The following GBP4 variants were observed in gnomAD, a reference collection of about 807,000 sequenced individuals.
The protein encoded by GBP4 is guanylate-binding protein 4.
GBP4 carries 69 observed loss-of-function variants against 62.2 expected under a neutral mutation model. The observed-to-expected ratio is 1.11, with a 90% confidence interval of 0.91 to 1.36. The LOEUF (loss-of-function observed/expected upper bound fraction) is 1.36, where lower values mean the gene tolerates loss of function less well. Among genes scored for constraint, GBP4 ranks in the 40% most tolerant of loss-of-function variants. The pLI, the probability that GBP4 is intolerant of heterozygous loss-of-function variation, is 0.00. For missense variants in GBP4, 697 were observed against 759.3 expected, an observed-to-expected ratio of 0.92 and a Z score of 0.96; for synonymous variants, 278 against 274.6, an observed-to-expected ratio of 1.01 and a Z score of -0.12.
At position 89,183,207 on chromosome 1, in the gene GBP4, A is replaced by T. The variant is rs1457356444; in HGVS notation, c.*2047T>A. On this transcript the variant is annotated 3_prime_UTR_variant, in exon 11 of 11. Coordinates refer to ENST00000355754, the MANE Select transcript of GBP4 (RefSeq NM_052941.5). ...GGTATTAGTAGAAAAACAGACACAC[A>T]GATAAATGGAACATAACAGAGAGTC... The T allele has an allele frequency of 6.6e-6, 1 of 152,238 alleles. No homozygotes were observed. Among genetic ancestry groups the T allele is most frequent in the Non-Finnish European group, 1.5e-5 (1 of 68,048 alleles). 9.4% of individuals were successfully genotyped at this position (152,238 alleles called of 1,614,324 possible).
At chr1:89,193,976 C>T (rs1176791312) in intron 3 of GBP4, among the ~76,000 whole-genome samples, 4 of 152,190 alleles carry the variant, frequency 2.6e-5, no homozygotes, top group Middle Eastern at 3.4e-3. Flanking sequence ...GAGGGGGAGG[C>T]ACATAAATGT....
At chr1:89,191,530 C>A (rs749151690) in intron 5 of GBP4, 24 bp from the exon 6 acceptor site, 1 of 1,603,032 alleles carries the variant, frequency 6.2e-7, no homozygotes, top group Non-Finnish European at 8.5e-7. Context: ...AAAAAGAGGG[C>A]TCATTGAAGA....
Position 89,198,817 on chromosome 1 carries a change from A to C in GBP4, c.18T>G (p.Leu6=), listed in dbSNP as rs1456920450. 6.2e-7 allele frequency: 1 copy of C among 1,614,026 alleles called. No individual in the cohort carries two copies. The highest frequency in any genetic ancestry group is 1.1e-5 in the South Asian group (1 of 91,082). MGERT[L]HAAVPTPGYP... ...TACCTGGTGTGGGCACTGCAGCGTG[A>C]AGAGTTCTCTCACCCATTGCTCTGT... is the stretch of plus-strand genomic sequence containing the variant. Residue 6 remains leucine, a synonymous_variant, in exon 1 of 11, where the codon CTT becomes CTG. Transcript: ENST00000355754.
At chr1:89,189,405 G>A (rs548893345) in intron 7 of GBP4, among the ~76,000 whole-genome samples, 1 of 152,296 alleles carries the variant, frequency 6.6e-6, no homozygotes, top group Admixed American at 6.5e-5. Context: ...CATGCCTATG[G>A]TAAGTAGATT....
Position 89,185,022 on chromosome 1 carries a change from G to A in GBP4, c.*232C>T. ...TCCTTAAATCTTTTCTAGGAATAATGTCACTACTTCTGACTTGTTTCCCAT... is the reference window on the plus strand; with the variant it reads ...TCCTTAAATCTTTTCTAGGAATAATATCACTACTTCTGACTTGTTTCCCAT... On this transcript the variant is annotated 3_prime_UTR_variant, in exon 11 of 11. Coordinates refer to ENST00000355754, the MANE Select transcript of GBP4 (RefSeq NM_052941.5). 5.4e-6 allele frequency: 2 copies of A among 367,658 alleles called. No individual in the cohort carries two copies. The highest frequency in any genetic ancestry group is 9.7e-6 in the Non-Finnish European group (2 of 206,546). 22.8% of individuals were successfully genotyped at this position (367,658 alleles called of 1,614,324 possible).
chr1:89,195,165 G>A (rs1353768427), intron 3 of GBP4, 132 bp downstream of exon 3: 2 of 942,122 alleles, frequency 2.1e-6, no homozygotes, highest in South Asian at 1.7e-5. Context: ...AAGGAAGTCT[G>A]AGGAAACAGA....
chr1:89,191,468 C>T lies in GBP4; in HGVS notation c.709G>A (p.Glu237Lys), dbSNP rs759777047. ...TTTCGGAAGAAATGCCTGATACACT[C>T]TCTAGGCATGTTTGAATTTTGAATT... ...PKIQNSNMPRECIRHFFRKRK... is the reference protein window; with the variant it reads ...PKIQNSNMPRKCIRHFFRKRK... Residue 237 changes from glutamate (E) to lysine (K), a missense_variant, in exon 6 of 11, where the codon GAG (glutamate) becomes AAG (lysine). By Grantham distance (56) the Glu-to-Lys change is moderately conservative (BLOSUM62 1). Coordinates refer to ENST00000355754, the MANE Select transcript of GBP4 (RefSeq NM_052941.5). 1.9e-6 allele frequency: 3 copies of T among 1,613,622 alleles called. No homozygotes were observed. Among genetic ancestry groups the T allele is most frequent in the Non-Finnish European group, 2.5e-6 (3 of 1,179,542 alleles).
At chr1:89,197,388 T>C in intron 1 of GBP4, 84 bp from the exon 2 acceptor site, 1 of 1,078,820 alleles carries the variant, frequency 9.3e-7, no homozygotes, top group East Asian at 2.6e-5. Context: ...ACATATTAGC[T>C]TTTTGCTTGT....
Position 89,198,915 on chromosome 1 carries a change from C to T in GBP4, c.-81G>A. 1 of 1,312,468 alleles carries T rather than the reference C, an allele frequency of 7.6e-7. No individual in the cohort carries two copies. Among genetic ancestry groups the T allele is most frequent in the Non-Finnish European group, 1.1e-6 (1 of 904,834 alleles). 81.3% of individuals were successfully genotyped at this position (1,312,468 alleles called of 1,614,324 possible). On this transcript the variant is annotated 5_prime_UTR_variant, in exon 1 of 11. Coordinates refer to ENST00000355754, the MANE Select transcript of GBP4 (RefSeq NM_052941.5). ...AAGTCCAGCCGGATTTACAGACATC[C>T]AAGTAAGAGTCTGTGAGAACCGAAA...
chr1:89,185,478 G>GT lies in GBP4; in HGVS notation c.1708-10_1708-9insA. The stretch of plus-strand genomic sequence containing the variant: ...AGCATTTCTTCTTGTACCTATAAAA[G>GT]GGAAATAGTCCACTTTTGAAAATCT... On this transcript the variant is annotated splice_polypyrimidine_tract_variant and intron_variant, in intron 10 of 10. Transcript: ENST00000355754. 1 of 1,396,338 alleles carries GT rather than the reference G, an allele frequency of 7.2e-7. No individual in the cohort carries two copies. The highest frequency in any genetic ancestry group is 1.0e-6 in the Non-Finnish European group (1 of 992,284). The allele number at this position is 1,396,338 out of a possible 1,614,324, so 86.5% of individuals were successfully genotyped here. A position where few individuals can be genotyped will look rare whatever the true frequency, so the allele number is the denominator to read the frequency against.
Position 89,195,292 on chromosome 1 carries a change from C to G in GBP4, c.363+5G>C. ...ACCATGAGCGGTGAAGTTTCTCTGC[C>G]TTACCTTTTCTACATCGCCCAGGCC... On this transcript the variant is annotated splice_donor_5th_base_variant and intron_variant, in intron 3 of 10. Transcript: ENST00000355754. 6.2e-7 allele frequency: 1 copy of G among 1,613,528 alleles called. No homozygotes were observed. Among genetic ancestry groups the G allele is most frequent in the South Asian group, 1.1e-5 (1 of 91,072 alleles).
At position 89,185,410 on chromosome 1, in the gene GBP4, C is replaced by T. The variant is rs771688029; in HGVS notation, c.1767G>A (p.Glu589=). The T allele has an allele frequency of 8.2e-6, 13 of 1,583,014 alleles. No individual in the cohort carries two copies. The South Asian group carries it at 1.3e-4, about 16-fold the overall frequency. The change falls in exon 11 of 11, where the codon GAG becomes GAA. Residue 589 remains glutamate, a synonymous_variant. Coordinates refer to ENST00000355754, the MANE Select transcript of GBP4 (RefSeq NM_052941.5). ...CAATTTTTTCTTTCAGTTGATTAATCTCTTTATTTAACTGCTCAGATTTCT... is the reference window on the plus strand; with the variant it reads ...CAATTTTTTCTTTCAGTTGATTAATTTCTTTATTTAACTGCTCAGATTTCT... The part of the protein sequence containing the change: ...FQKKSEQLNK[E]INQLKEKIES...
chr1:89,188,536 C>G (rs768528987), intron 8 of GBP4, 46 bp downstream of exon 8: 1 of 1,492,510 alleles, frequency 6.7e-7, no homozygotes, highest in Non-Finnish European at 9.3e-7. Context: ...AACAAAAACC[C>G]TCTGACTATC....
chr1:89,194,604 A>G (rs763806794), intron 3 of GBP4, among the ~76,000 whole-genome samples: 1 of 152,176 alleles, frequency 6.6e-6, no homozygotes, highest in East Asian at 1.9e-4. Context: ...ACTAATGCAA[A>G]TAAGAAGAAT....
At chr1:89,187,875 A>T (rs1167939161) in intron 8 of GBP4, among the ~76,000 whole-genome samples, 2 of 152,218 alleles carry the variant, frequency 1.3e-5, no homozygotes, top group Non-Finnish European at 2.9e-5. Flanking sequence ...GAATTCTTGG[A>T]AACTGTTTGT....
chr1:89,190,128 G>A lies in GBP4; in HGVS notation c.1107C>T (p.Asp369=), dbSNP rs747351685. 17 of 1,613,996 alleles carry A rather than the reference G, an allele frequency of 1.1e-5. No homozygotes were observed. Among genetic ancestry groups the A allele is most frequent in the East Asian group, 4.5e-5 (2 of 44,886 alleles). Residue 369 remains aspartate, a synonymous_variant, in exon 7 of 11, where the codon GAC becomes GAT. Transcript: ENST00000355754. ...CTTCCCTCTCACAGGCTGCATGCAC[G>A]TCCAGCAGCTCCTGGAGCGTGTCTG... ...LPTDTLQELL[D]VHAACEREAI... is the part of the protein sequence containing the mutation.
At position 89,198,889 on chromosome 1, in the gene GBP4, A is replaced by G; in HGVS notation, c.-55T>C. The G allele has an allele frequency of 6.5e-7, 1 of 1,544,146 alleles. No homozygotes were observed. The highest frequency in any genetic ancestry group is 1.4e-5 in the African/African-American group (1 of 73,580). Reference sequence around the variant, plus strand: ...AGAAACGGACTGTTCTTAGAAGCTGAAAGTCCAGCCGGATTTACAGACATC... The same window carrying G: ...AGAAACGGACTGTTCTTAGAAGCTGGAAGTCCAGCCGGATTTACAGACATC... On this transcript the variant is annotated 5_prime_UTR_variant, in exon 1 of 11. Transcript: ENST00000355754.
intron 1 of GBP4, 182 bp downstream of exon 1, chr1:89,198,613 C>A: frequency 1.6e-6 from 1 of 623,668 alleles, no homozygotes; most frequent in South Asian, 1.8e-5. Flanking sequence ...CTGGGCCACA[C>A]GGAGCAAAGC....
chr1:89,185,446 T>C lies in GBP4; in HGVS notation c.1731A>G (p.Glu577=). ...ACTGCTCAGATTTCTTTTGAAATTC[T>C]TCCTTAAGCATTTCTTCTTGTACCT... ...KLKVQEEMLK[E]EFQKKSEQLN... is the part of the protein sequence containing the mutation. The change falls in exon 11 of 11, where the codon GAA becomes GAG. Residue 577 remains glutamate, a synonymous_variant. Coordinates refer to ENST00000355754, the MANE Select transcript of GBP4 (RefSeq NM_052941.5). The C allele has an allele frequency of 6.4e-7, 1 of 1,559,470 alleles. No homozygotes were observed. The highest frequency in any genetic ancestry group is 8.8e-7 in the Non-Finnish European group (1 of 1,131,322).
Sources: allele counts gnomAD v4.1 joint callset (sites outside exome capture counted in the v4.1 genomes callset), GRCh38; gene constraint gnomAD v4.1.1; transcripts MANE v1.5; gene names NCBI Gene and HGNC (gene_info 2026-07-23, HGNC 2026-07-21).